NPR1: variants seen among roughly 807,000 people sequenced by gnomAD.
The protein encoded by NPR1 is atrial natriuretic peptide receptor 1.
A neutral mutation model predicts 116.9 loss-of-function variants in NPR1; 57 were observed. The ratio of observed to expected loss-of-function variants is 0.49; its 90% confidence interval spans 0.39 to 0.61. The LOEUF (loss-of-function observed/expected upper bound fraction) is 0.61, where lower values mean the gene tolerates loss of function less well. NPR1 is among the 20% of genes least tolerant of loss of function. NPR1 has a pLI of 0.00. For missense variants in NPR1, 1,096 were observed against 1,409.8 expected (o/e 0.78, Z 3.56); for synonymous variants, 555 against 601.6 (o/e 0.92, Z 1.13).
At position 153,681,217 on chromosome 1, in the gene NPR1, C is replaced by G; in HGVS notation, c.959C>G (p.Pro320Arg). The G allele has an allele frequency of 6.2e-7, 1 of 1,613,324 alleles. No homozygotes were observed. The highest frequency in any genetic ancestry group is 8.5e-7 in the Non-Finnish European group (1 of 1,179,330). The change falls in exon 3 of 22, where the codon CCC becomes CGC. Residue 320 changes from proline to arginine, a missense_variant. By Grantham distance (103) the Pro-to-Arg change is moderately radical. Coordinates refer to ENST00000368680, the MANE Select transcript of NPR1 (RefSeq NM_000906.4). The part of the protein sequence containing the change: ...KIITYKDPDN[P>R]EYLEFLKQLK... ...ATTACATATAAAGACCCAGATAATC[C>G]CGAGTACTTGGAATTCCTGAAGCAG...
intron 20 of NPR1, 118 bp from the exon 21 acceptor site, chr1:153,692,988 A>T: frequency 1.2e-6 from 1 of 801,778 alleles, no homozygotes; most frequent in Non-Finnish European, 2.0e-6. Flanking sequence ...GGCCCAAAAG[A>T]GGGAGAGAGG....
At chr1:153,693,077 C>T (rs752021665) in intron 20 of NPR1, 29 bp from the exon 21 acceptor site, 8 of 1,571,890 alleles carry the variant, frequency 5.1e-6, no homozygotes, top group Non-Finnish European at 5.2e-6. Flanking sequence ...TCACATTGCT[C>T]ACCTTCCCTT....
chr1:153,692,436 T>C (rs187903902), intron 20 of NPR1, among the ~76,000 whole-genome samples: 183 of 151,634 alleles, frequency 1.2e-3, no homozygotes, highest in African/African-American at 3.7e-3. Flanking sequence ...TTCTGTGCTG[T>C]CCAATACAGT....
intron 5 of NPR1, 46 bp from the exon 6 acceptor site, chr1:153,683,330 C>T: frequency 6.3e-7 from 1 of 1,593,554 alleles, no homozygotes; most frequent in East Asian, 2.3e-5. Context: ...CACAGCATGC[C>T]TTCCCCGCAG....
chr1:153,688,759 T>C, intron 15 of NPR1, 194 bp from the exon 16 acceptor site: 2 of 631,178 alleles, frequency 3.2e-6, no homozygotes, highest in South Asian at 4.0e-5. Context: ...ATACTTGACC[T>C]TGGGGTCTCA....
intron 4 of NPR1, among the ~76,000 whole-genome samples, 179 bp downstream of exon 4, chr1:153,682,018 T>C (rs1248028379): frequency 6.6e-6 from 1 of 152,092 alleles, no homozygotes; most frequent in Non-Finnish European, 1.5e-5. Context: ...ATCTCAATCA[T>C]CCCTGCTGGG....
intron 21 of NPR1, 56 bp from the exon 22 acceptor site, chr1:153,693,296 C>T: frequency 6.2e-7 from 1 of 1,604,548 alleles, no homozygotes; most frequent in South Asian, 1.1e-5. Context: ...AGGCTCTCAT[C>T]TGACTGGGGA....
Position 153,689,588 on chromosome 1 carries a change from T to C in NPR1, c.2757+67T>C. 6.8e-7 allele frequency: 1 copy of C among 1,463,640 alleles called. No homozygotes were observed. The highest frequency in any genetic ancestry group is 9.6e-7 in the Non-Finnish European group (1 of 1,045,668). The allele number at this position is 1,463,640 out of a possible 1,614,324, so 90.7% of individuals were successfully genotyped here. On this transcript the variant is annotated intron_variant, in intron 18 of 21. Coordinates refer to ENST00000368680, the MANE Select transcript of NPR1 (RefSeq NM_000906.4). This position sits in a 1 kb window ranked among gnomAD's most constrained non-coding sequence, Gnocchi z 5.1. The stretch of plus-strand genomic sequence containing the variant: ...GACAAGGTCAGAAAAAGATGAGGGG[T>C]AGGCAGAATGATGTGGAGTCTTAAG...
Position 153,690,139 on chromosome 1 carries a change from T to TCACA in NPR1, c.2933-144_2933-143insACAC, listed in dbSNP as rs1477053103. The TCACA allele has an allele frequency of 7.0e-5, 32 of 454,582 alleles. No homozygotes were observed. In the African/African-American group the frequency reaches 7.2e-4, roughly 10 times the overall value. The allele number at this position is 454,582 out of a possible 1,614,324, so 28.2% of individuals were successfully genotyped here. A position where few individuals can be genotyped will look rare whatever the true frequency, so the allele number is the denominator to read the frequency against. On this transcript the variant is annotated intron_variant, in intron 19 of 21. Coordinates refer to ENST00000368680, the MANE Select transcript of NPR1 (RefSeq NM_000906.4). Reference sequence around the variant, plus strand: ...CTCTCTCTCTCTCTCTCTCTCTCTCTCTCACACACACACACACACACACAC... The same window carrying TCACA: ...CTCTCTCTCTCTCTCTCTCTCTCTCTCACACTCACACACACACACACACACACAC...
At position 153,688,188 on chromosome 1, in the gene NPR1, A is replaced by G; in HGVS notation, c.2384A>G (p.Gln795Arg). The G allele has an allele frequency of 1.2e-6, 2 of 1,613,812 alleles. No individual in the cohort carries two copies. Among genetic ancestry groups the G allele is most frequent in the South Asian group, 1.1e-5 (1 of 91,072 alleles). Residue 795 changes from glutamine (Q) to arginine (R), a missense_variant, in exon 15 of 22, where the codon CAG becomes CGG. Transcript: ENST00000368680. ...GACCCACAGGAGAGGCCACCATTCCAGCAGATCCGCCTGACGTTGCGCAAA... is the reference window on the plus strand; with the variant it reads ...GACCCACAGGAGAGGCCACCATTCCGGCAGATCCGCCTGACGTTGCGCAAA... ...AEDPQERPPF[Q>R]QIRLTLRKFN...
In NPR1 at chr1:153,686,731, G is replaced by C. The variant is rs1301264082; in HGVS notation, c.1844G>C (p.Cys615Ser). The C allele has an allele frequency of 6.2e-7, 1 of 1,613,674 alleles. No homozygotes were observed. The highest frequency in any genetic ancestry group is 1.3e-5 in the African/African-American group (1 of 74,856). ...PPNICILTEY[C>S]PRGSLQDILE... The stretch of plus-strand genomic sequence containing the variant: ...AATATCTGCATCCTCACAGAGTACT[G>C]TCCCCGTGGGAGCCTGCAGGTGAGG... Residue 615 changes from cysteine (C) to serine (S), a missense_variant, in exon 11 of 22, where the codon TGT becomes TCT. By Grantham distance (112) the Cys-to-Ser change is moderately radical. Transcript: ENST00000368680.
Position 153,688,047 on chromosome 1 carries a change from A to G in NPR1, c.2249-6A>G, listed in dbSNP as rs1021634516. 3 of 1,594,184 alleles carry G rather than the reference A, an allele frequency of 1.9e-6. No individual in the cohort carries two copies. The highest frequency in any genetic ancestry group is 1.7e-5 in the Admixed American group (1 of 58,626). ...ACCCCTCAGCTCCTCTACCCCCCCA[A>G]TACAGAGATCATCGAGCGGGTGACT... On this transcript the variant is annotated splice_polypyrimidine_tract_variant and splice_region_variant and intron_variant, in intron 14 of 21. Coordinates refer to ENST00000368680, the MANE Select transcript of NPR1 (RefSeq NM_000906.4).
At chr1:153,682,689 C>T in intron 5 of NPR1, 100 bp downstream of exon 5, 1 of 844,650 alleles carries the variant, frequency 1.2e-6, no homozygotes, top group Non-Finnish European at 2.0e-6. Context: ...TATCCTGTAG[C>T]CATTCCACCA....
chr1:153,682,918 G>A (rs967288801), intron 5 of NPR1, among the ~76,000 whole-genome samples: 4 of 152,220 alleles, frequency 2.6e-5, no homozygotes, highest in East Asian at 1.9e-4. Flanking sequence ...CTCTGCAAGC[G>A]AGCAGGGACA....
At chr1:153,686,579 AAGCTAGTGAGC>A in intron 10 of NPR1, 56 bp from the exon 11 acceptor site, 2 of 1,291,378 alleles carry the variant, frequency 1.5e-6, no homozygotes, top group Non-Finnish European at 2.2e-6. Context: ...AGGGTCCCTG[AAGCTAGTGAGC>A]AGCTTGGTGA....
At position 153,680,693 on chromosome 1, in the gene NPR1, C is replaced by G. The variant is rs1198118837; in HGVS notation, c.914C>G (p.Ala305Gly). The G allele has an allele frequency of 6.2e-7, 1 of 1,612,782 alleles. No homozygotes were observed. The change falls in exon 2 of 22, where the codon GCC (alanine) becomes GGC (glycine). Residue 305 changes from alanine to glycine, a missense_variant. Coordinates refer to ENST00000368680, the MANE Select transcript of NPR1 (RefSeq NM_000906.4). ...GGGCAGGATGTCAGTGCCCGCCAGG[C>G]CTTTCAGGTGAGTACCTAGGTTTGA... Reference protein sequence around the residue: ...GDGQDVSARQAFQAAKIITYK... With the variant: ...GDGQDVSARQGFQAAKIITYK...
At chr1:153,691,733 A>T (rs572455696) in intron 20 of NPR1, among the ~76,000 whole-genome samples, 1 of 152,148 alleles carries the variant, frequency 6.6e-6, no homozygotes, top group African/African-American at 2.4e-5. Flanking sequence ...TCCTGTCTCT[A>T]CTAAAAATAC....
intron 15 of NPR1, 121 bp downstream of exon 15, chr1:153,688,342 C>T (rs2101737375): frequency 3.0e-6 from 3 of 997,870 alleles, no homozygotes; most frequent in Non-Finnish European, 4.4e-6. Context: ...CCTCCCTGTA[C>T]ATAGTCAGCT....
At position 153,687,357 on chromosome 1, in the gene NPR1, G is replaced by A; in HGVS notation, c.2092+1G>A. The A allele has an allele frequency of 6.2e-7, 1 of 1,613,942 alleles. No homozygotes were observed. The highest frequency in any genetic ancestry group is 8.5e-7 in the Non-Finnish European group (1 of 1,179,894). ...GAGCAAGGACACACCGTTTATGCCA[G>A]TGAGCCTTGACTCTTGAACCTAACA... On this transcript the variant is annotated splice_donor_variant, in intron 13 of 21. Coordinates refer to ENST00000368680, the MANE Select transcript of NPR1 (RefSeq NM_000906.4). LOFTEE classifies it high-confidence loss of function.
Sources: allele counts gnomAD v4.1 joint callset (sites outside exome capture counted in the v4.1 genomes callset), GRCh38; gene constraint gnomAD v4.1.1; non-coding constraint Gnocchi (gnomAD v3.1); transcripts MANE v1.5; gene names NCBI Gene and HGNC (gene_info 2026-07-23, HGNC 2026-07-21).